Variants in SNX14 observed in about 807,000 individuals in gnomAD.
SNX14 encodes the protein sorting nexin 14, also known as sorting nexin-14.
SNX14 carries 93 observed loss-of-function variants against 133.8 expected under a neutral mutation model. The observed-to-expected ratio is 0.70, with a 90% CI of 0.59 to 0.83. The LOEUF (loss-of-function observed/expected upper bound fraction) is 0.83. SNX14 is among the 40% of genes least tolerant of loss of function. The pLI is 0.00. For synonymous variants in SNX14, 368 were observed against 365.6 expected (o/e 1.01, Z -0.07); for missense variants, 945 against 1,094.9 (o/e 0.86, Z 1.93).
At chr6:85,511,875 C>T (rs781525027) in intron 26 of SNX14, among the ~76,000 whole-genome samples, 12 of 152,184 alleles carry the variant, frequency 7.9e-5, no homozygotes, top group Non-Finnish European at 1.6e-4. Context: ...GATAACTGGA[C>T]ATGACACACA....
chr6:85,508,453 GA>G, intron 26 of SNX14: 1 of 886,038 alleles, frequency 1.1e-6, no homozygotes, highest in Non-Finnish European at 1.4e-6. Context: ...GAAATGCATG[GA>G]AAAATGTAAG....
intron 5 of SNX14, among the ~76,000 whole-genome samples, chr6:85,567,321 T>C (rs573789999): frequency 6.6e-6 from 1 of 152,082 alleles, no homozygotes; most frequent in Admixed American, 6.5e-5. Context: ...GTGGCAGAGA[T>C]GTCTGTTACT....
chr6:85,537,925 A>T (rs1355878433), intron 16 of SNX14, among the ~76,000 whole-genome samples: 2 of 152,172 alleles, frequency 1.3e-5, no homozygotes, highest in Admixed American at 1.3e-4. Context: ...AGGCTCCATC[A>T]AGAAAATATA....
intron 1 of SNX14, among the ~76,000 whole-genome samples, chr6:85,590,809 G>A (rs1325467880): frequency 2.6e-5 from 4 of 152,118 alleles, no homozygotes; most frequent in Non-Finnish European, 4.4e-5. Flanking sequence ...CAAAAAGTAC[G>A]AAGTTTTCAC....
chr6:85,552,759 G>T (rs965537385), intron 7 of SNX14, among the ~76,000 whole-genome samples: 1 of 152,148 alleles, frequency 6.6e-6, no homozygotes, highest in Non-Finnish European at 1.5e-5. Context: ...GAGGAATTGA[G>T]GACTGAACTC....
At chr6:85,548,636 G>C (rs967833246) in intron 8 of SNX14, among the ~76,000 whole-genome samples, 18 of 152,206 alleles carry the variant, frequency 1.2e-4, no homozygotes, top group African/African-American at 4.1e-4. Context: ...AGAAGAAAAA[G>C]TATTCCCTTA....
At chr6:85,512,581 C>T (rs896915105) in intron 26 of SNX14, among the ~76,000 whole-genome samples, 1 of 146,282 alleles carries the variant, frequency 6.8e-6, no homozygotes, top group African/African-American at 2.6e-5. Flanking sequence ...GAGATCGTGT[C>T]ATTTCACTCC....
At chr6:85,593,448 C>G in intron 1 of SNX14, 131 bp downstream of exon 1, 1 of 1,376,116 alleles carries the variant, frequency 7.3e-7, no homozygotes. Flanking sequence ...GGCCGCTCCT[C>G]TGCGGAGCTC....
chr6:85,552,628 A>G (rs2128117916), intron 7 of SNX14, among the ~76,000 whole-genome samples: 1 of 152,326 alleles, frequency 6.6e-6, no homozygotes, highest in African/African-American at 2.4e-5. Flanking sequence ...CAGAGTCACA[A>G]GATGTTTGGT....
At chr6:85,558,314 A>G (rs1790409818) in intron 6 of SNX14, among the ~76,000 whole-genome samples, 1 of 152,186 alleles carries the variant, frequency 6.6e-6, no homozygotes. Context: ...CTTTACTCCT[A>G]GCTTCTTTAC....
At chr6:85,571,327 T>C (rs2128190339) in intron 4 of SNX14, among the ~76,000 whole-genome samples, 1 of 140,866 alleles carries the variant, frequency 7.1e-6, no homozygotes, top group South Asian at 2.2e-4. Context: ...ACCACTGCAC[T>C]CCGGCCTGGG....
At chr6:85,519,951 C>T (rs1203707869) in intron 21 of SNX14, among the ~76,000 whole-genome samples, 1 of 151,890 alleles carries the variant, frequency 6.6e-6, no homozygotes, top group East Asian at 1.9e-4. Flanking sequence ...GACTCTGTCT[C>T]TAAAAACCAT....
intron 1 of SNX14, among the ~76,000 whole-genome samples, chr6:85,586,342 C>T (rs1800852573): frequency 6.6e-6 from 1 of 152,104 alleles, no homozygotes; most frequent in Admixed American, 6.6e-5. Context: ...ATATTTACTA[C>T]CTAACACTTT....
At chr6:85,519,468 A>G (rs191580644) in intron 21 of SNX14, among the ~76,000 whole-genome samples, 1 of 152,342 alleles carries the variant, frequency 6.6e-6, no homozygotes, top group African/African-American at 2.4e-5. Context: ...ATCTCTACAG[A>G]TATTTAAAAA....
chr6:85,532,983 T>G (rs930416189), intron 18 of SNX14, among the ~76,000 whole-genome samples: 1 of 152,152 alleles, frequency 6.6e-6, no homozygotes, highest in Non-Finnish European at 1.5e-5. Flanking sequence ...GCCTCCCAGG[T>G]TGAAGCGATC....
At chr6:85,556,276 G>A (rs1212116968) in intron 7 of SNX14, among the ~76,000 whole-genome samples, 1 of 151,722 alleles carries the variant, frequency 6.6e-6, no homozygotes. Context: ...TAAGTTATGT[G>A]TACTTGGCTA....
chr6:85,546,968 A>G (rs1397385345), intron 12 of SNX14, 144 bp downstream of exon 12: 3 of 342,338 alleles, frequency 8.8e-6, no homozygotes, highest in Non-Finnish European at 4.9e-6. Context: ...CCTCAAACAA[A>G]AAAAAAAAAA....
intron 4 of SNX14, chr6:85,567,842 G>T (rs1794363830): frequency 1.2e-5 from 3 of 245,124 alleles, no homozygotes; most frequent in African/African-American, 7.1e-5. Flanking sequence ...AATAAGCTGG[G>T]TGTAGTGACG....
intron 26 of SNX14, among the ~76,000 whole-genome samples, chr6:85,511,439 C>T (rs775477385): frequency 6.6e-6 from 1 of 152,164 alleles, no homozygotes; most frequent in Non-Finnish European, 1.5e-5. Context: ...ACTAGGACTT[C>T]GAGTACAATG....
Sources: allele counts gnomAD v4.1 joint callset (sites outside exome capture counted in the v4.1 genomes callset), GRCh38; gene constraint gnomAD v4.1.1; transcripts MANE v1.5; gene names NCBI Gene and HGNC (gene_info 2026-07-23, HGNC 2026-07-21).